RFX5: variants seen among roughly 807,000 people sequenced by gnomAD.
RFX5 encodes the protein DNA-binding protein RFX5.
A neutral mutation model predicts 41.2 loss-of-function variants in RFX5; 30 were observed. That is an observed-to-expected ratio of 0.73 (90% CI 0.54 to 0.99). The LOEUF is 0.99. Ranked by LOEUF, RFX5 falls within the 50% of genes least tolerant of loss-of-function variation. The pLI is 0.00. For synonymous variants in RFX5, 231 were observed against 291.8 expected, an observed-to-expected ratio of 0.79 and a Z score of 2.12; for missense variants, 715 against 773.6, an observed-to-expected ratio of 0.92 and a Z score of 0.90.
At chr1:151,346,077 C>A in intron 3 of RFX5, 116 bp from the exon 4 acceptor site, 2 of 1,583,972 alleles carry the variant, frequency 1.3e-6, no homozygotes, top group Non-Finnish European at 1.7e-6. Flanking sequence ...GAATTGCTAC[C>A]ATGGCCAAAA....
chr1:151,344,073 G>A (rs1176343476), intron 8 of RFX5, 124 bp downstream of exon 8: 2 of 1,157,812 alleles, frequency 1.7e-6, no homozygotes, highest in East Asian at 4.8e-5. Flanking sequence ...TGGCAGAAGG[G>A]AACATCATAC....
At chr1:151,343,595 A>G (rs1571259361) in intron 9 of RFX5, 86 bp downstream of exon 9, 2 of 1,491,124 alleles carry the variant, frequency 1.3e-6, no homozygotes. Context: ...GGGCAAATCC[A>G]AGGTGTCTCT....
Position 151,342,716 on chromosome 1 carries a change from CCTCA to C in RFX5, c.1317_1320del (p.Ser439ArgfsTer16), listed in dbSNP as rs758554068. On this transcript the variant is annotated frameshift_variant, in exon 11 of 11. Coordinates refer to ENST00000452671, the MANE Select transcript of RFX5 (RefSeq NM_001025603.2). LOFTEE classifies it low-confidence loss of function (END_TRUNC). ...TTAGCTGGTGGAGCCTGCCCACTGG[CCTCA>C]CTCACAGGTACTTCAGCTGTCCTCT... The C allele has an allele frequency of 2.5e-6, 4 of 1,614,224 alleles. No homozygotes were observed. The highest frequency in any genetic ancestry group is 1.1e-5 in the South Asian group (1 of 91,088).
intron 9 of RFX5, 59 bp downstream of exon 9, chr1:151,343,622 G>A (rs928678589): frequency 6.4e-7 from 1 of 1,559,776 alleles, no homozygotes; most frequent in African/African-American, 1.4e-5. Flanking sequence ...GTGTGTGGGA[G>A]GGCCACTGAA....
chr1:151,342,469 T>C lies in RFX5; in HGVS notation c.1568A>G (p.Glu523Gly). ...GGAERPGPMG[E>G]AEKGAVLAQG... ...GGCAAGTACTGCCCCCTTTTCAGCC[T>C]CTCCCATTGGCCCTGGCCTCTCTGC... Residue 523 changes from glutamate (E) to glycine (G), a missense_variant, in exon 11 of 11, where the codon GAG becomes GGG. Coordinates refer to ENST00000452671, the MANE Select transcript of RFX5 (RefSeq NM_001025603.2). 1 of 1,614,112 alleles carries C rather than the reference T, an allele frequency of 6.2e-7. No homozygotes were observed. Among genetic ancestry groups the C allele is most frequent in the South Asian group, 1.1e-5 (1 of 91,088 alleles).
Position 151,343,063 on chromosome 1 carries a change from A to G in RFX5, c.974T>C (p.Leu325Pro). The change falls in exon 11 of 11, where the codon CTA becomes CCA. Residue 325 changes from leucine to proline, a missense_variant. Transcript: ENST00000452671. ...PGANNLQVNA[L>P]VARLPLLLPR... ...AAGGAGCAGAGGCAGCCGAGCCACT[A>G]GGGCATTAACCTGCAGGTTATTGGC... The G allele has an allele frequency of 6.2e-7, 1 of 1,613,650 alleles. No individual in the cohort carries two copies. The highest frequency in any genetic ancestry group is 8.5e-7 in the Non-Finnish European group (1 of 1,180,002).
chr1:151,343,278 T>A, intron 10 of RFX5, 64 bp downstream of exon 10: 1 of 1,607,422 alleles, frequency 6.2e-7, no homozygotes, highest in Non-Finnish European at 8.5e-7. Context: ...AGGGACCCAA[T>A]TGGAGAAGGA....
At position 151,346,473 on chromosome 1, in the gene RFX5, T is replaced by G; in HGVS notation, c.-14+16A>C. The G allele has an allele frequency of 1.5e-6, 1 of 648,994 alleles. No individual in the cohort carries two copies. The highest frequency in any genetic ancestry group is 1.8e-5 in the African/African-American group (1 of 54,816). 40.2% of individuals were successfully genotyped at this position (648,994 alleles called of 1,614,324 possible). On this transcript the variant is annotated intron_variant, in intron 2 of 10. Transcript: ENST00000452671. The stretch of plus-strand genomic sequence containing the variant: ...AGCCTCCGAATTTCCCCGGTGGTCT[T>G]TTTCTCACCACTTGCCTTCTCCGAA...
intron 4 of RFX5, chr1:151,345,530 T>A: frequency 2.8e-6 from 1 of 354,100 alleles, no homozygotes; most frequent in South Asian, 2.4e-5. Flanking sequence ...GAGAATGGCG[T>A]GAACCTGGGA....
chr1:151,343,639 A>C (rs777470957), intron 9 of RFX5, 42 bp downstream of exon 9: 1 of 1,599,106 alleles, frequency 6.3e-7, no homozygotes, highest in Non-Finnish European at 8.5e-7. Context: ...TGAAGCTGAA[A>C]GTGGCTCAGG....
chr1:151,345,126 T>C lies in RFX5; in HGVS notation c.213A>G (p.Gly71=). 1 of 1,613,982 alleles carries C rather than the reference T, an allele frequency of 6.2e-7. No homozygotes were observed. The highest frequency in any genetic ancestry group is 8.5e-7 in the Non-Finnish European group (1 of 1,179,912). ...CCTACCTTTTGTCTCCAGTGGTGGG[T>C]CCTGAGGGGAGCTGAAGGTAGAGAT... The part of the protein sequence containing the change: ...KLYLYLQLPS[G]PTTGDKSSEP... The change falls in exon 5 of 11, where the codon GGA becomes GGG. Residue 71 remains glycine, a synonymous_variant. Transcript: ENST00000452671.
Position 151,342,671 on chromosome 1 carries a change from C to T in RFX5, c.1366G>A (p.Glu456Lys). The part of the protein sequence containing the change: ...PPAKAAKQDI[E>K]DTASDAKRKR... Reference sequence around the variant, plus strand: ...CTTTTGGCATCACTTGCTGTATCCTCTATATCCTGCTTTGCTGCTTTAGCT... The same window carrying T: ...CTTTTGGCATCACTTGCTGTATCCTTTATATCCTGCTTTGCTGCTTTAGCT... Residue 456 changes from glutamate (E) to lysine (K), a missense_variant, in exon 11 of 11, where the codon GAG (glutamate) becomes AAG (lysine). By Grantham distance (56) the Glu-to-Lys change is moderately conservative (BLOSUM62 1). Transcript: ENST00000452671. 6.2e-7 allele frequency: 1 copy of T among 1,614,264 alleles called. No individual in the cohort carries two copies.
At position 151,342,821 on chromosome 1, in the gene RFX5, G is replaced by C. The variant is rs1467160528; in HGVS notation, c.1216C>G (p.Leu406Val). 5 of 1,614,116 alleles carry C rather than the reference G, an allele frequency of 3.1e-6. No individual in the cohort carries two copies. Among genetic ancestry groups the C allele is most frequent in the Middle Eastern group, 1.6e-4 (1 of 6,062 alleles). The change falls in exon 11 of 11, where the codon CTC (leucine) becomes GTC (valine). Residue 406 changes from leucine (L) to valine (V), a missense_variant. Transcript: ENST00000452671. ...TTCTCTGTGCCCCGGGGCTGAGTGA[G>C]TCCCCCAGGTGGAGCTCGCCCAGGC... The part of the protein sequence containing the change: ...PGPGRAPPGG[L>V]TQPRGTENRE...
At position 151,345,143 on chromosome 1, in the gene RFX5, G is replaced by A; in HGVS notation, c.196C>T (p.Leu66Phe). The change falls in exon 5 of 11, where the codon CTT (leucine) becomes TTT (phenylalanine). Residue 66 changes from leucine to phenylalanine, a missense_variant. Leu to Phe is a conservative substitution (Grantham distance 22). Transcript: ENST00000452671. ...GTGGTGGGTCCTGAGGGGAGCTGAA[G>A]GTAGAGATACAGCTTGTCATTGTCA... ...FSDNDKLYLY[L>F]QLPSGPTTGD... 6.2e-7 allele frequency: 1 copy of A among 1,614,042 alleles called. No homozygotes were observed. Among genetic ancestry groups the A allele is most frequent in the Non-Finnish European group, 8.5e-7 (1 of 1,179,950 alleles).
rs771659809 is a variant in RFX5 at position 151,343,678 on chromosome 1, C to T, written c.757+3G>A. On this transcript the variant is annotated splice_donor_region_variant and intron_variant, in intron 9 of 10. Transcript: ENST00000452671. Reference sequence around the variant, plus strand: ...GCTGAGACATAAGAGAGGGTCAACACACCAGCGAGCCCCATGGCCTTAAGC... The same window carrying T: ...GCTGAGACATAAGAGAGGGTCAACATACCAGCGAGCCCCATGGCCTTAAGC... 1 of 1,613,620 alleles carries T rather than the reference C, an allele frequency of 6.2e-7. No individual in the cohort carries two copies. The highest frequency in any genetic ancestry group is 8.5e-7 in the Non-Finnish European group (1 of 1,179,858).
At chr1:151,343,483 G>C (rs780455169) in intron 9 of RFX5, 41 bp from the exon 10 acceptor site, 58 of 1,516,278 alleles carry the variant, frequency 3.8e-5, no homozygotes, top group Non-Finnish European at 4.8e-5. Flanking sequence ...AAGGTGAGGA[G>C]GAAACTGAGG....
In RFX5 at chr1:151,343,416, G is replaced by C. The variant is rs773920954; in HGVS notation, c.784C>G (p.Arg262Gly). The C allele has an allele frequency of 8.7e-6, 14 of 1,613,872 alleles. No homozygotes were observed. In the East Asian group the frequency reaches 2.7e-4, roughly 31 times the overall value. Residue 262 changes from arginine (R) to glycine (G), a missense_variant, in exon 10 of 11, where the codon CGG (arginine) becomes GGG (glycine). By Grantham distance (125) the Arg-to-Gly change is moderately radical. Transcript: ENST00000452671. ...AEEDEHAPRE[R>G]SSKPKNGLEN... ...AAACCATTCTTTGGTTTAGATGACC[G>C]TTCCCGAGGTGCATGTTCGTCCTCT...
chr1:151,346,474 T>C lies in RFX5; in HGVS notation c.-14+15A>G. On this transcript the variant is annotated intron_variant, in intron 2 of 10. Transcript: ENST00000452671. ...GCCTCCGAATTTCCCCGGTGGTCTT[T>C]TTCTCACCACTTGCCTTCTCCGAAA... 1 of 648,288 alleles carries C rather than the reference T, an allele frequency of 1.5e-6. No individual in the cohort carries two copies. The highest frequency in any genetic ancestry group is 2.8e-5 in the Admixed American group (1 of 35,656). The allele number at this position is 648,288 out of a possible 1,614,324, so 40.2% of individuals were successfully genotyped here.
At chr1:151,346,018 T>A in intron 3 of RFX5, 57 bp from the exon 4 acceptor site, 2 of 1,613,402 alleles carry the variant, frequency 1.2e-6, no homozygotes, top group Non-Finnish European at 1.7e-6. Context: ...TGTCTCTTTA[T>A]CTGACTGCTA....
Sources: allele counts gnomAD v4.1 joint callset, GRCh38; gene constraint gnomAD v4.1.1; transcripts MANE v1.5; gene names NCBI Gene and HGNC (gene_info 2026-07-23, HGNC 2026-07-21).